The following KRT5 variants were observed in gnomAD, a reference collection of about 807,000 sequenced individuals.
KRT5 encodes keratin, type II cytoskeletal 5.
Under a neutral mutation model 44.0 loss-of-function variants are expected in KRT5, and 17 were observed. The ratio of observed to expected loss-of-function variants is 0.39; its 90% confidence interval spans 0.26 to 0.58. The LOEUF is 0.58. Ranked by LOEUF, KRT5 falls within the 20% of genes least tolerant of loss-of-function variation. The pLI is 0.61. For synonymous variants in KRT5, 329 were observed against 312.8 expected, an observed-to-expected ratio of 1.05 and a Z score of -0.55; for missense variants, 737 against 785.5, an observed-to-expected ratio of 0.94 and a Z score of 0.74.
At chr12:52,517,504 G>A (rs1306901176) in intron 5 of KRT5, 86 bp downstream of exon 5, 3 of 1,426,994 alleles carry the variant, frequency 2.1e-6, no homozygotes, top group South Asian at 1.1e-5. Context: ...CAGGTTCCAG[G>A]AGCCCCATTC....
In KRT5 at chr12:52,520,226, G is replaced by T. The variant is rs768490644; in HGVS notation, c.71C>A (p.Thr24Asn). Reference protein sequence around the residue: ...SRSFSTASAITPSVSRTSFTS... With the variant: ...SRSFSTASAINPSVSRTSFTS... ...GAAGCTGGTGCGGGAGACAGACGGGGTGATGGCAGAGGCGGTGCTGAAGCT... is the reference window on the plus strand; with the variant it reads ...GAAGCTGGTGCGGGAGACAGACGGGTTGATGGCAGAGGCGGTGCTGAAGCT... Residue 24 changes from threonine (T) to asparagine (N), a missense_variant, in exon 1 of 9, where the codon ACC (threonine) becomes AAC (asparagine). Around this residue, in one of 5 missense-constraint regions of KRT5, gnomAD observed 326 missense variants for 333.1 expected, o/e 0.98. Transcript: ENST00000252242. The T allele has an allele frequency of 1.9e-6, 3 of 1,614,104 alleles. No homozygotes were observed. The highest frequency in any genetic ancestry group is 1.6e-4 in the Middle Eastern group (1 of 6,062).
chr12:52,519,620 G>A (rs1018251519), intron 1 of KRT5, 122 bp downstream of exon 1: 37 of 1,096,058 alleles, frequency 3.4e-5, no homozygotes, highest in East Asian at 3.1e-4. Context: ...AGAAACAAAC[G>A]GAAACACAGA....
At chr12:52,516,296 G>T (rs537878340) in intron 7 of KRT5, 2 of 406,794 alleles carry the variant, frequency 4.9e-6, no homozygotes, top group African/African-American at 4.1e-5. Context: ...GAAGGAAGGG[G>T]TACTGGAGGA....
chr12:52,515,391 G>A (rs1938594303), intron 8 of KRT5, 151 bp from the exon 9 acceptor site: 1 of 1,152,312 alleles, frequency 8.7e-7, no homozygotes, highest in Admixed American at 1.8e-5. Flanking sequence ...TTTAATTAAG[G>A]TCCCTAAAAA....
In KRT5 at chr12:52,515,272, C is replaced by A. The variant is rs199530956; in HGVS notation, c.1475-32G>T. 27 of 1,602,236 alleles carry A rather than the reference C, an allele frequency of 1.7e-5. No homozygotes were observed. In the East Asian group the frequency reaches 5.8e-4, roughly 34 times the overall value. On this transcript the variant is annotated intron_variant, in intron 8 of 8. Transcript: ENST00000252242. ...GGAAAGGAGGGAGGACTCAGTGAGACCATCTGCCAGGCTGATCCTGCATGG... is the reference window on the plus strand; with the variant it reads ...GGAAAGGAGGGAGGACTCAGTGAGAACATCTGCCAGGCTGATCCTGCATGG...
rs746776082 is a variant in KRT5 at position 52,519,017 on chromosome 12, G to A, written c.699C>T (p.Ile233=). Residue 233 remains isoleucine, a synonymous_variant, in exon 2 of 9, where the codon ATC becomes ATT. Transcript: ENST00000252242. The stretch of plus-strand genomic sequence containing the variant: ...AGTCCAGGCGGCCCCGTTCCCCCAC[G>A]ATGCTGTCCAGCTGCCTCCTGAGGT... ...INNLRRQLDS[I]VGERGRLDSE... 1.5e-5 allele frequency: 25 copies of A among 1,613,978 alleles called. No individual in the cohort carries two copies. The highest frequency in any genetic ancestry group is 2.7e-5 in the African/African-American group (2 of 74,890).
At position 52,517,917 on chromosome 12, in the gene KRT5, T is replaced by C; in HGVS notation, c.907A>G (p.Met303Val). The change falls in exon 4 of 9, where the codon ATG becomes GTG. Residue 303 changes from methionine to valine, a missense_variant. Physicochemically the swap from Met to Val is conservative, Grantham distance 21. Around this residue, in one of 5 missense-constraint regions of KRT5, gnomAD observed 59 missense variants for 62.5 expected, o/e 0.94. Transcript: ENST00000252242. ...CTTACCGCATCAAAGAACATCTTCA[T>C]GAAGTTAATCTCATCCATCAGTGCA... Reference protein sequence around the residue: ...VDALMDEINFMKMFFDAELSQ... With the variant: ...VDALMDEINFVKMFFDAELSQ... 1 of 1,614,196 alleles carries C rather than the reference T, an allele frequency of 6.2e-7. No homozygotes were observed.
intron 1 of KRT5, 53 bp downstream of exon 1, chr12:52,519,689 T>C (rs949932364): frequency 1.2e-4 from 190 of 1,536,046 alleles, no homozygotes; most frequent in Admixed American, 3.3e-4. Flanking sequence ...TTTCTCTCTC[T>C]TTGGCATTTA....
intron 2 of KRT5, 152 bp from the exon 3 acceptor site, chr12:52,518,315 T>G (rs1938649598): frequency 1.3e-6 from 1 of 745,672 alleles, no homozygotes; most frequent in Non-Finnish European, 2.4e-6. Context: ...CATGAACCTC[T>G]GGCCAAGGTC....
At chr12:52,519,656 A>G in intron 1 of KRT5, 86 bp downstream of exon 1, 2 of 1,407,888 alleles carry the variant, frequency 1.4e-6, no homozygotes, top group Non-Finnish European at 2.0e-6. Flanking sequence ...AAGTATTTGC[A>G]CAAAGCCAAA....
intron 1 of KRT5, 60 bp downstream of exon 1, chr12:52,519,682 C>T (rs1172046743): frequency 1.3e-6 from 2 of 1,511,024 alleles, no homozygotes; most frequent in African/African-American, 2.7e-5. Flanking sequence ...TTCCTTCTTT[C>T]TCTCTCTTTG....
intron 2 of KRT5, chr12:52,518,422 A>C (rs1387687318): frequency 1.5e-6 from 1 of 648,014 alleles, no homozygotes; most frequent in Non-Finnish European, 2.8e-6. Context: ...TCCTGCAGAA[A>C]AGCTGTGCTG....
chr12:52,520,182 C>T lies in KRT5; in HGVS notation c.115G>A (p.Gly39Arg), dbSNP rs146136560. Reference protein sequence around the residue: ...RTSFTSVSRSGGGGGGGFGRV... With the variant: ...RTSFTSVSRSRGGGGGGFGRV... ...CCGAAGCCACCACCACCGCCACCCC[C>T]GGACCGGGACACGGAGGTGAAGCTG... The change falls in exon 1 of 9, where the codon GGG (glycine) becomes AGG (arginine). Residue 39 changes from glycine (G) to arginine (R), a missense_variant. Physicochemically the swap from Gly to Arg is moderately radical, Grantham distance 125. This residue lies in a region of KRT5 where 326 missense variants were observed against 333.1 expected (regional missense o/e 0.98). Coordinates refer to ENST00000252242, the MANE Select transcript of KRT5 (RefSeq NM_000424.4). The T allele has an allele frequency of 7.4e-5, 120 of 1,613,872 alleles. No homozygotes were observed. Among genetic ancestry groups the T allele is most frequent in the Admixed American group, 4.5e-4 (27 of 60,008 alleles).
At chr12:52,517,548 G>T (rs756040984) in intron 5 of KRT5, 42 bp downstream of exon 5, 42 of 1,596,652 alleles carry the variant, frequency 2.6e-5, no homozygotes, top group Non-Finnish European at 3.5e-5. Flanking sequence ...CCTAGACATG[G>T]GTGTGTCCCC....
chr12:52,515,000 C>G lies in KRT5; in HGVS notation c.1715G>C (p.Ser572Thr). The change falls in exon 9 of 9, where the codon AGC (serine) becomes ACC (threonine). Residue 572 changes from serine (S) to threonine (T), a missense_variant. This residue lies in a region of KRT5 where 344 missense variants were observed against 351.6 expected (regional missense o/e 0.98). Transcript: ENST00000252242. ...GGTGGAGACAAATTTGACGCTGGAG[C>G]TGCTACCCCCGCCACTGCCAAAGCC... ...GVGFGSGGGS[S>T]SSVKFVSTTS... is the part of the protein sequence containing the mutation. 1 of 1,612,730 alleles carries G rather than the reference C, an allele frequency of 6.2e-7. No individual in the cohort carries two copies. Among genetic ancestry groups the G allele is most frequent in the Non-Finnish European group, 8.5e-7 (1 of 1,179,626 alleles).
At chr12:52,519,521 C>G (rs1216971234) in intron 1 of KRT5, 2 of 647,254 alleles carry the variant, frequency 3.1e-6, no homozygotes, top group African/African-American at 1.8e-5. Context: ...GTTAAGAGGC[C>G]CTTGTGAGCT....
Position 52,516,846 on chromosome 12 carries a change from C to CA in KRT5, c.1229dup (p.Gln411AlafsTer42). On this transcript the variant is annotated frameshift_variant, in exon 7 of 9. Coordinates refer to ENST00000252242, the MANE Select transcript of KRT5 (RefSeq NM_000424.4). LOFTEE classifies it high-confidence loss of function. ...GCTCGGCATCCGCAATGGCGTTCTG[C>CA]AGATTGGCGCACTACAGATAGAAAG... is the stretch of plus-strand genomic sequence containing the variant. 6.2e-7 allele frequency: 1 copy of CA among 1,614,192 alleles called. No individual in the cohort carries two copies. The highest frequency in any genetic ancestry group is 8.5e-7 in the Non-Finnish European group (1 of 1,180,048).
rs569457446 is a variant in KRT5, at chr12:52,518,010, A to G, written c.832-18T>C. On this transcript the variant is annotated intron_variant, in intron 3 of 8. Coordinates refer to ENST00000252242, the MANE Select transcript of KRT5 (RefSeq NM_000424.4). The stretch of plus-strand genomic sequence containing the variant: ...TCTACATCCTGGGGAAACAGGGATG[A>G]TTGGCACTGCACACACCGTCACCCT... 5 of 1,612,238 alleles carry G rather than the reference A, an allele frequency of 3.1e-6. No homozygotes were observed. In the East Asian group the frequency reaches 1.1e-4, roughly 36 times the overall value.
At position 52,518,100 on chromosome 12, in the gene KRT5, C is replaced by T. The variant is rs371853143; in HGVS notation, c.831+3G>A. The T allele has an allele frequency of 1.9e-6, 3 of 1,614,102 alleles. No homozygotes were observed. The African/African-American group carries it at 4.0e-5, about 22-fold the overall frequency. On this transcript the variant is annotated splice_donor_region_variant and intron_variant, in intron 3 of 8. Coordinates refer to ENST00000252242, the MANE Select transcript of KRT5 (RefSeq NM_000424.4). ...CTGCTGGTTCTCTCCCACCCACACGCACCTTCTTCAGCATCACAAACTCAT... is the reference window on the plus strand; with the variant it reads ...CTGCTGGTTCTCTCCCACCCACACGTACCTTCTTCAGCATCACAAACTCAT...
Sources: gnomAD v4.1 joint callset for allele counts on GRCh38, gnomAD v4.1.1 for gene constraint, gnomAD v4.1.1 regional missense constraint, MANE v1.5 for transcripts, NCBI Gene and HGNC (gene_info 2026-07-23, HGNC 2026-07-21) for gene names.